The following SHTN1 variants were observed in gnomAD, a reference collection of about 807,000 sequenced individuals.
SHTN1 encodes the protein shootin 1, also known as shootin-1.
Under a neutral mutation model 83.1 loss-of-function variants are expected in SHTN1, and 42 were observed. That is an observed-to-expected ratio of 0.51 (90% CI 0.39 to 0.65). The LOEUF is 0.65. SHTN1 is among the 30% of genes least tolerant of loss of function. The probability of loss-of-function intolerance (pLI) is 0.00; values close to 1 mark genes in which losing one functional copy is unlikely to be tolerated. For synonymous variants in SHTN1, 224 were observed against 247.7 expected, an observed-to-expected ratio of 0.90 and a Z score of 0.90; for missense variants, 622 against 737.8, an observed-to-expected ratio of 0.84 and a Z score of 1.82.
At chr10:117,005,592 T>C, upstream of SHTN1, 1 of 990,730 alleles carries the variant, frequency 1.0e-6, no homozygotes, top group Non-Finnish European at 1.2e-6. Context: ...CATGAACGCC[T>C]GGGCTTCTTC....
At chr10:116,970,653 G>A (rs1430440882) in intron 2 of SHTN1, among the ~76,000 whole-genome samples, 1 of 151,318 alleles carries the variant, frequency 6.6e-6, no homozygotes, top group Admixed American at 6.6e-5. Context: ...GGCGGAGGTT[G>A]CAGTGAGCCA....
intron 1 of SHTN1, among the ~76,000 whole-genome samples, chr10:117,101,406 T>C (rs1480630250): frequency 1.3e-5 from 2 of 152,284 alleles, no homozygotes; most frequent in East Asian, 1.9e-4. Flanking sequence ...TGAAAAAATA[T>C]GGTTCAGCAT....
intron 1 of SHTN1, among the ~76,000 whole-genome samples, chr10:117,081,871 C>A (rs939393972): frequency 2.0e-5 from 3 of 151,898 alleles, no homozygotes; most frequent in African/African-American, 7.3e-5. Context: ...TCTGTGGGAT[C>A]GGTGGTGACA....
At chr10:116,911,932 C>A in intron 13 of SHTN1, 89 bp from the exon 14 acceptor site, 1 of 930,736 alleles carries the variant, frequency 1.1e-6, no homozygotes, top group Non-Finnish European at 1.8e-6. Context: ...TATTAGTAGC[C>A]TTATATTGGT....
At chr10:117,089,556 C>T (rs746436335) in intron 1 of SHTN1, among the ~76,000 whole-genome samples, 2 of 151,840 alleles carry the variant, frequency 1.3e-5, no homozygotes, top group South Asian at 2.1e-4. Flanking sequence ...TTGGATAGGG[C>T]GTCAAAAGCA....
chr10:116,956,378 TTA>T (rs948712417), intron 4 of SHTN1, among the ~76,000 whole-genome samples: 2 of 152,202 alleles, frequency 1.3e-5, no homozygotes, highest in Non-Finnish European at 2.9e-5. Context: ...AACCTAATCC[TTA>T]TGTTTCAGTT....
chr10:117,100,038 A>G (rs992174582), intron 1 of SHTN1, among the ~76,000 whole-genome samples: 4 of 152,084 alleles, frequency 2.6e-5, no homozygotes, highest in Non-Finnish European at 5.9e-5. Context: ...TTAGCCAGGC[A>G]TGGTGGTACA....
intron 1 of SHTN1, among the ~76,000 whole-genome samples, chr10:117,056,049 C>T (rs1047988358): frequency 7.2e-5 from 11 of 152,112 alleles, no homozygotes; most frequent in African/African-American, 2.7e-4. Context: ...CTGAATAGTC[C>T]TATAACCATC....
In SHTN1 at chr10:117,093,598, G is replaced by A. The variant is rs976984217; in HGVS notation, c.-189+32709C>T. 1.4e-4 allele frequency among the ~76,000 whole-genome samples: 21 copies of A among 152,262 alleles called. 3 individuals are homozygous for A. The highest frequency in any genetic ancestry group is 1.3e-3 in the Admixed American group (20 of 15,290). ...AGTCATTCAGCTAATAAGTAGCTGA[G>A]GCCAGATTCAAACTCCGATCTACCC... is the stretch of plus-strand genomic sequence containing the variant. On this transcript the variant is annotated intron_variant, in intron 1 of 17. Coordinates refer to the SHTN1 transcript ENST00000392901.
chr10:116,993,600 C>G (rs1273516406), intron 1 of SHTN1, among the ~76,000 whole-genome samples: 1 of 152,016 alleles, frequency 6.6e-6, no homozygotes, highest in African/African-American at 2.4e-5. Flanking sequence ...TGGGTAGTAA[C>G]TGCCTAACAT....
At chr10:117,013,853 G>A (rs1852141911) in intron 2 of SHTN1, among the ~76,000 whole-genome samples, 1 of 151,982 alleles carries the variant, frequency 6.6e-6, no homozygotes, top group Non-Finnish European at 1.5e-5. Flanking sequence ...CCAATAACTG[G>A]AAAAAGCCAA....
chr10:117,051,929 G>A (rs9664776), intron 1 of SHTN1, among the ~76,000 whole-genome samples: 127,257 of 143,668 alleles, frequency 0.89, 57,570 homozygotes, highest in Non-Finnish European at 0.98. Context: ...ATTAGGCAAG[G>A]AAAAGAAATA....
rs1207674305 is a variant in SHTN1 at position 116,882,989 on chromosome 10, C to CAT, written c.*3354_*3355insAT. The CAT allele has an allele frequency of 2.0e-5, 3 of 152,164 alleles. No individual in the cohort carries two copies. In the East Asian group the frequency reaches 5.8e-4, roughly 29 times the overall value. The allele number at this position is 152,164 out of a possible 1,614,324, so 9.4% of individuals were successfully genotyped here. A position where few individuals can be genotyped will look rare whatever the true frequency, so the allele number is the denominator to read the frequency against. On this transcript the variant is annotated 3_prime_UTR_variant, in exon 17 of 17. Coordinates refer to ENST00000355371, the MANE Select transcript of SHTN1 (RefSeq NM_001127211.3). ...AAAAATACACACACACACACACACA[C>CAT]ACACACACACATCATGAGACTATGC...
intron 1 of SHTN1, among the ~76,000 whole-genome samples, chr10:117,119,612 C>A (rs1445881966): frequency 1.3e-5 from 2 of 152,074 alleles, no homozygotes; most frequent in Non-Finnish European, 2.9e-5. Flanking sequence ...ATTAGTACAA[C>A]CATTATGGAG....
chr10:116,929,776 G>T, intron 10 of SHTN1, 73 bp downstream of exon 10: 1 of 978,288 alleles, frequency 1.0e-6, no homozygotes, highest in Non-Finnish European at 1.4e-6. Context: ...CTAACTATAT[G>T]CCAGGTTTTG....
intron 2 of SHTN1, among the ~76,000 whole-genome samples, chr10:117,028,996 GA>G (rs1026290801): frequency 6.6e-6 from 1 of 152,138 alleles, no homozygotes; most frequent in Non-Finnish European, 1.5e-5. Context: ...ACTCAATCTG[GA>G]AATATCCACC....
rs370897926 is a variant in SHTN1 at position 116,977,798 on chromosome 10, G to C, written c.111+1458C>G. On this transcript the variant is annotated intron_variant, in intron 2 of 16. Transcript: ENST00000355371. The stretch of plus-strand genomic sequence containing the variant: ...CCAGGAATCCTCCTGCCTCAACCTC[G>C]CAAGTAGCTGGGACTACAGGTGCAT... 7.2e-4 allele frequency among the ~76,000 whole-genome samples: 110 copies of C among 151,870 alleles called. 2 individuals carry two copies. In the South Asian group the frequency reaches 0.022, roughly 30 times the overall value.
chr10:116,938,910 G>A (rs533478276), intron 9 of SHTN1, among the ~76,000 whole-genome samples: 19 of 152,306 alleles, frequency 1.2e-4, no homozygotes, highest in African/African-American at 3.4e-4. Flanking sequence ...GCAGCTTGGC[G>A]GAGCTGCAGT....
chr10:116,931,735 T>C (rs962075191), intron 9 of SHTN1, among the ~76,000 whole-genome samples: 27 of 152,238 alleles, frequency 1.8e-4, no homozygotes, highest in Admixed American at 2.0e-4. Flanking sequence ...TAAAATAGTA[T>C]GCATAGTATG....
Sources: gnomAD v4.1 joint callset for allele counts (sites outside exome capture counted in the v4.1 genomes callset) on GRCh38, gnomAD v4.1.1 for gene constraint, MANE v1.5 for transcripts, NCBI Gene and HGNC (gene_info 2026-07-23, HGNC 2026-07-21) for gene names.